The following PTBP1 variants were observed in gnomAD, a reference collection of about 807,000 sequenced individuals.
PTBP1 encodes polypyrimidine tract binding protein 1.
In PTBP1, 8 loss-of-function variants were observed where a neutral mutation model predicts 59.8. The ratio of observed to expected loss-of-function variants is 0.13; its 90% CI spans 0.08 to 0.24. The LOEUF is 0.24. Ranked by LOEUF, PTBP1 falls within the 10% of genes least tolerant of loss-of-function variation. The probability of loss-of-function intolerance (pLI) is 1.00; values close to 1 mark genes in which losing one functional copy is unlikely to be tolerated. For synonymous variants in PTBP1, 490 were observed against 320.7 expected (o/e 1.53, Z -5.64); for missense variants, 686 against 767.0 (o/e 0.89, Z 1.25).
At chr19:806,115 C>CCGTGTCTGTGCTGGCT (rs2034557566) in intron 9 of PTBP1, 1 of 348,280 alleles carries the variant, frequency 2.9e-6, no homozygotes. Flanking sequence ...GCCGAGGGCC[C>CCGTGTCTGTGCTGGCT]CGTGTCTGTG....
Position 810,694 on chromosome 19 carries a change from G to T in PTBP1, c.1542G>T (p.Gln514His). 1 of 1,611,952 alleles carries T rather than the reference G, an allele frequency of 6.2e-7. No homozygotes were observed. Among genetic ancestry groups the T allele is most frequent in the Non-Finnish European group, 8.5e-7 (1 of 1,179,382 alleles). Residue 514 changes from glutamine to histidine, a missense_variant and splice_region_variant, in exon 15 of 15, where the codon CAG becomes CAT. Transcript: ENST00000356948. ...GGVVKGFKFF[Q>H]KDRKMALIQM... ...CCGGCCCTGACCCCCTGTCTTGCAG[G>T]AAGGACCGCAAGATGGCACTGATCC...
At chr19:806,306 G>GCGGCT (rs1447540949) in intron 9 of PTBP1, 102 bp from the exon 10 acceptor site, 5 of 1,327,556 alleles carry the variant, frequency 3.8e-6, no homozygotes, top group Non-Finnish European at 4.0e-6. Flanking sequence ...CGCCTCCCGC[G>GCGGCT]CGGCTCGGCT....
chr19:802,555 G>A (rs977759402), intron 2 of PTBP1, among the ~76,000 whole-genome samples: 14 of 152,196 alleles, frequency 9.2e-5, no homozygotes, highest in Non-Finnish European at 2.1e-4. Flanking sequence ...ATCCTGATAC[G>A]GGAGATGGAG....
In PTBP1 at chr19:804,286, C is replaced by T. The variant is rs1220926419; in HGVS notation, c.289-6C>T. 2 of 1,613,618 alleles carry T rather than the reference C, an allele frequency of 1.2e-6. No homozygotes were observed. Among genetic ancestry groups the T allele is most frequent in the East Asian group, 2.2e-5 (1 of 44,876 alleles). ...GAGGGCCCAGCGCTCACTGCCTCCC[C>T]AACAGGCCTTCATCGAGATGAACAC... On this transcript the variant is annotated splice_polypyrimidine_tract_variant and splice_region_variant and intron_variant, in intron 4 of 14. Transcript: ENST00000356948.
At chr19:801,664 A>C (rs1250149095) in intron 2 of PTBP1, among the ~76,000 whole-genome samples, 1 of 152,156 alleles carries the variant, frequency 6.6e-6, no homozygotes, top group East Asian at 1.9e-4. Flanking sequence ...TCTGAGCTGG[A>C]GGGGAGAGCA....
At chr19:802,064 GC>G (rs1326111163) in intron 2 of PTBP1, among the ~76,000 whole-genome samples, 1 of 152,202 alleles carries the variant, frequency 6.6e-6, no homozygotes, top group Non-Finnish European at 1.5e-5. Context: ...CCTGGTTCCG[GC>G]CCTTGTGGCT....
At chr19:806,948 A>G (rs1263454450) in intron 10 of PTBP1, 1 of 171,308 alleles carries the variant, frequency 5.8e-6, no homozygotes. Flanking sequence ...CTGTCACTTA[A>G]CTGGTGGATC....
intron 10 of PTBP1, chr19:807,508 G>A (rs1350210388): frequency 6.8e-6 from 2 of 294,150 alleles, no homozygotes; most frequent in South Asian, 5.3e-5. Flanking sequence ...TGATTCTTAT[G>A]TATTTACTGA....
At chr19:806,653 C>CT in intron 10 of PTBP1, 97 bp downstream of exon 10, 1 of 1,245,690 alleles carries the variant, frequency 8.0e-7, no homozygotes. Flanking sequence ...CCGCCCCTCG[C>CT]TGTGTCTGCG....
chr19:805,375 G>T, intron 8 of PTBP1, 117 bp from the exon 9 acceptor site: 1 of 1,220,052 alleles, frequency 8.2e-7, no homozygotes, highest in East Asian at 2.3e-5. Flanking sequence ...CAGCGGATCT[G>T]CCCGCGAAGG....
At chr19:807,331 A>G (rs2034630119) in intron 10 of PTBP1, 1 of 154,486 alleles carries the variant, frequency 6.5e-6, no homozygotes, top group African/African-American at 2.4e-5. Flanking sequence ...CCGCGAGCGG[A>G]GCTGCACGCG....
chr19:801,427 C>G (rs371788858), intron 2 of PTBP1, among the ~76,000 whole-genome samples: 1 of 152,246 alleles, frequency 6.6e-6, no homozygotes, highest in African/African-American at 2.4e-5. Context: ...AATGCCAGGC[C>G]ACTTGCCCAT....
rs973632154 is a variant in PTBP1, at chr19:811,831, C to T, written c.*1005C>T. 2 of 152,490 alleles carry T rather than the reference C, an allele frequency of 1.3e-5. No individual in the cohort carries two copies. Among genetic ancestry groups the T allele is most frequent in the African/African-American group, 4.8e-5 (2 of 41,456 alleles). The allele number at this position is 152,490 out of a possible 1,614,324, so 9.4% of individuals were successfully genotyped here. On this transcript the variant is annotated 3_prime_UTR_variant, in exon 15 of 15. Coordinates refer to ENST00000356948, the MANE Select transcript of PTBP1 (RefSeq NM_002819.5). ...GCCTAGAAAACTTGCTCTCAAACTT[C>T]AGGGTTTTTTCTTCCTTCAAATTTT... is the stretch of plus-strand genomic sequence containing the variant.
Position 810,715 on chromosome 19 carries a change from G to A in PTBP1, c.1563G>A (p.Leu521=). The A allele has an allele frequency of 6.2e-7, 1 of 1,610,700 alleles. No homozygotes were observed. Among genetic ancestry groups the A allele is most frequent in the South Asian group, 1.1e-5 (1 of 90,476 alleles). The change falls in exon 15 of 15, where the codon CTG becomes CTA. Residue 521 remains leucine (L), a synonymous_variant. Coordinates refer to ENST00000356948, the MANE Select transcript of PTBP1 (RefSeq NM_002819.5). ...KFFQKDRKMA[L]IQMGSVEEAV... ...GCAGGAAGGACCGCAAGATGGCACT[G>A]ATCCAGATGGGCTCCGTGGAGGAGG...
At position 806,466 on chromosome 19, in the gene PTBP1, G is replaced by GGCGGCA. The variant is rs764822631; in HGVS notation, c.1032_1037dup (p.Ala348_Ala349dup). 51 of 1,595,492 alleles carry GGCGGCA rather than the reference G, an allele frequency of 3.2e-5. No homozygotes were observed. Among genetic ancestry groups the GGCGGCA allele is most frequent in the Non-Finnish European group, 3.8e-5 (44 of 1,171,904 alleles). On this transcript the variant is annotated inframe_insertion, in exon 10 of 15. Coordinates refer to ENST00000356948, the MANE Select transcript of PTBP1 (RefSeq NM_002819.5). ...CCCCCCTGGCCATCCCCTCGGCGGC[G>GGCGGCA]GCGGCAGCTGCGGCGGCAGGTCGGA...
At chr19:799,190 C>T (rs1283845218) in intron 1 of PTBP1, among the ~76,000 whole-genome samples, 2 of 152,196 alleles carry the variant, frequency 1.3e-5, no homozygotes, top group South Asian at 2.1e-4. Flanking sequence ...GAGGGAGGGG[C>T]GCCAAAGGAC....
chr19:802,356 A>C (rs1468640096), intron 2 of PTBP1, among the ~76,000 whole-genome samples: 1 of 148,278 alleles, frequency 6.7e-6, no homozygotes, highest in Non-Finnish European at 1.5e-5. Flanking sequence ...GAGAAGACCA[A>C]GCGCAGGCTC....
chr19:799,062 A>G (rs1273517011), intron 1 of PTBP1, among the ~76,000 whole-genome samples: 1 of 152,234 alleles, frequency 6.6e-6, no homozygotes, highest in Non-Finnish European at 1.5e-5. Flanking sequence ...TGGAAAGCAC[A>G]CAGCAGCCCT....
rs1400996406 is a variant in PTBP1 at position 799,460 on chromosome 19, T to C, written c.39+17T>C. 3 of 1,613,022 alleles carry C rather than the reference T, an allele frequency of 1.9e-6. No individual in the cohort carries two copies. Among genetic ancestry groups the C allele is most frequent in the Non-Finnish European group, 2.5e-6 (3 of 1,179,454 alleles). On this transcript the variant is annotated intron_variant, in intron 2 of 14. Transcript: ENST00000356948. ...GGTACAAAGGTAGGCACTTCTCACT[T>C]TGCTTCTCCGTGACGCTCCTCTGAC...
Sources: allele counts gnomAD v4.1 joint callset (sites outside exome capture counted in the v4.1 genomes callset), GRCh38; gene constraint gnomAD v4.1.1; transcripts MANE v1.5; gene names NCBI Gene and HGNC (gene_info 2026-07-23, HGNC 2026-07-21).